The following FAF1 variants were observed in gnomAD, a reference collection of about 807,000 sequenced individuals.
The protein encoded by FAF1 is Fas associated factor 1.
FAF1 carries 25 observed loss-of-function variants against 92.5 expected under a neutral mutation model. The ratio of observed to expected loss-of-function variants is 0.27; its 90% CI spans 0.20 to 0.38. The LOEUF is 0.38. FAF1 is among the 10% of genes least tolerant of loss of function. FAF1 has a pLI of 1.00. For missense variants in FAF1, 636 were observed against 793.3 expected (o/e 0.80, Z 2.38); for synonymous variants, 234 against 273.2 (o/e 0.86, Z 1.42).
At chr1:50,904,034 C>G (rs1387776353) in intron 1 of FAF1, among the ~76,000 whole-genome samples, 1 of 152,108 alleles carries the variant, frequency 6.6e-6, no homozygotes, top group Non-Finnish European at 1.5e-5. Context: ...ATTCCAAAAA[C>G]TAAATGAAAA....
chr1:50,585,553 C>T (rs1651186377), intron 9 of FAF1, among the ~76,000 whole-genome samples: 1 of 152,120 alleles, frequency 6.6e-6, no homozygotes, highest in Admixed American at 6.5e-5. Flanking sequence ...TTCTGAAATA[C>T]TGAGATATAA....
At position 50,655,534 on chromosome 1, in the gene FAF1, A is replaced by G. The variant is rs1557458889; in HGVS notation, c.658-6T>C. 1.3e-6 allele frequency: 2 copies of G among 1,561,532 alleles called. No individual in the cohort carries two copies. Among genetic ancestry groups the G allele is most frequent in the South Asian group, 2.2e-5 (2 of 89,032 alleles). On this transcript the variant is annotated splice_region_variant and splice_polypyrimidine_tract_variant and intron_variant, in intron 7 of 18. Transcript: ENST00000396153. ...TCATACACATTTCTCTTTACCTATG[A>G]AAAGAAAGAAACAGGACAATTAAAA...
chr1:50,814,231 G>A (rs1457483610), intron 2 of FAF1, among the ~76,000 whole-genome samples: 1 of 152,190 alleles, frequency 6.6e-6, no homozygotes, highest in East Asian at 1.9e-4. Flanking sequence ...CCTAGGCAAA[G>A]TAATACTAGG....
chr1:50,939,484 T>C (rs1645112682), intron 1 of FAF1, among the ~76,000 whole-genome samples: 1 of 152,346 alleles, frequency 6.6e-6, no homozygotes, highest in Middle Eastern at 3.4e-3. Flanking sequence ...TAGGGTTTTC[T>C]AGGTATAGTT....
rs544918634 is a variant in FAF1 at position 50,938,647 on chromosome 1, T to C, written c.45+21120A>G. The stretch of plus-strand genomic sequence containing the variant: ...TTTGGGGACTTAACCAAAAATTCTT[T>C]GCGAAGGCCAATATCAAGGATATTT... On this transcript the variant is annotated intron_variant, in intron 1 of 18. Coordinates refer to ENST00000396153, the MANE Select transcript of FAF1 (RefSeq NM_007051.3). Among the ~76,000 whole-genome samples, 147 of 152,362 alleles carry C rather than the reference T, an allele frequency of 9.6e-4. 1 individual carries two copies. The highest frequency in any genetic ancestry group is 3.3e-3 in the African/African-American group (139 of 41,592).
chr1:50,848,590 G>T (rs1644322124), intron 2 of FAF1, among the ~76,000 whole-genome samples: 2 of 152,160 alleles, frequency 1.3e-5, no homozygotes, highest in African/African-American at 4.8e-5. Flanking sequence ...ACTGGGAGAC[G>T]CTATCTTAAC....
At chr1:50,721,694 G>C (rs1658419385) in intron 6 of FAF1, among the ~76,000 whole-genome samples, 1 of 152,032 alleles carries the variant, frequency 6.6e-6, no homozygotes, top group East Asian at 1.9e-4. Context: ...TACAATCTCA[G>C]CTCATAACAA....
At chr1:50,926,798 G>A (rs1234972627) in intron 1 of FAF1, among the ~76,000 whole-genome samples, 1 of 152,182 alleles carries the variant, frequency 6.6e-6, no homozygotes. Flanking sequence ...GAAGCAAGGA[G>A]TCAAGACATA....
At chr1:50,819,168 T>C (rs1268844853) in intron 2 of FAF1, among the ~76,000 whole-genome samples, 1 of 152,034 alleles carries the variant, frequency 6.6e-6, no homozygotes, top group Non-Finnish European at 1.5e-5. Context: ...TAATAAAAAT[T>C]AGATCCGTGC....
At chr1:50,505,695 G>A (rs1557973149) in intron 15 of FAF1, among the ~76,000 whole-genome samples, 1 of 152,076 alleles carries the variant, frequency 6.6e-6, no homozygotes, top group Non-Finnish European at 1.5e-5. Context: ...GGCTGCTTTT[G>A]TGCTACAATG....
intron 1 of FAF1, among the ~76,000 whole-genome samples, chr1:50,863,465 C>G (rs563940426): frequency 6.6e-6 from 1 of 151,728 alleles, no homozygotes; most frequent in African/African-American, 2.4e-5. Context: ...ACTAGAGAAA[C>G]AAGAAGAAAA....
Position 50,607,191 on chromosome 1 carries a change from A to G in FAF1, c.745-10975T>C, listed in dbSNP as rs117508236. Among the ~76,000 whole-genome samples, 277 of 152,162 alleles carry G rather than the reference A, an allele frequency of 1.8e-3. 8 individuals are homozygous for G. In the East Asian group the frequency reaches 0.051, roughly 28 times the overall value. ...TTGTTCTTTTACATCTTTAGGCTTC[A>G]TGGTGCCCTTGTATGACTCCTTTCT... On this transcript the variant is annotated intron_variant, in intron 8 of 18. Transcript: ENST00000396153.
chr1:50,866,868 A>G (rs529471646), intron 1 of FAF1, among the ~76,000 whole-genome samples: 1 of 152,152 alleles, frequency 6.6e-6, no homozygotes, highest in African/African-American at 2.4e-5. Context: ...CGAAAAAGTG[A>G]CCATATAGCC....
chr1:50,676,828 T>C (rs2124354846), intron 7 of FAF1, among the ~76,000 whole-genome samples: 2 of 152,212 alleles, frequency 1.3e-5, no homozygotes, highest in South Asian at 4.1e-4. Context: ...TCTAAATATA[T>C]ATATGCATAT....
At chr1:50,508,425 T>C (rs1480665186) in intron 15 of FAF1, among the ~76,000 whole-genome samples, 1 of 152,230 alleles carries the variant, frequency 6.6e-6, no homozygotes, top group Non-Finnish European at 1.5e-5. Context: ...GAATTACTGA[T>C]ACATGCTACA....
At chr1:50,908,874 A>G (rs569718948) in intron 1 of FAF1, among the ~76,000 whole-genome samples, 1 of 152,258 alleles carries the variant, frequency 6.6e-6, no homozygotes, top group African/African-American at 2.4e-5. Flanking sequence ...GCCCATTTAC[A>G]TTTAAGGTTA....
intron 18 of FAF1, among the ~76,000 whole-genome samples, chr1:50,452,564 C>T (rs917849278): frequency 2.6e-5 from 4 of 152,128 alleles, no homozygotes; most frequent in Non-Finnish European, 4.4e-5. Context: ...GCCAATACCA[C>T]GGAAGCAGCC....
intron 7 of FAF1, among the ~76,000 whole-genome samples, chr1:50,703,318 C>T (rs1263772855): frequency 6.6e-6 from 1 of 152,036 alleles, no homozygotes; most frequent in East Asian, 1.9e-4. Flanking sequence ...AATGTACATA[C>T]TTAAGTGTCA....
intron 18 of FAF1, among the ~76,000 whole-genome samples, chr1:50,447,157 CCT>C (rs1284083538): frequency 1.4e-5 from 2 of 139,900 alleles, no homozygotes; most frequent in African/African-American, 5.5e-5. Flanking sequence ...ATGGAGTCTC[CCT>C]CTGTTGTCCA....
Sources: gnomAD v4.1 joint callset for allele counts (sites outside exome capture counted in the v4.1 genomes callset) on GRCh38, gnomAD v4.1.1 for gene constraint, MANE v1.5 for transcripts, NCBI Gene and HGNC (gene_info 2026-07-23, HGNC 2026-07-21) for gene names.